INO80: variants seen among roughly 807,000 people sequenced by gnomAD.
INO80 encodes chromatin-remodeling ATPase INO80.
A neutral mutation model predicts 203.4 loss-of-function variants in INO80; 20 were observed. That is an observed-to-expected ratio of 0.10 (90% CI 0.07 to 0.14). The LOEUF (loss-of-function observed/expected upper bound fraction) is 0.14. Ranked by LOEUF, INO80 falls within the 10% of genes least tolerant of loss-of-function variation. The probability of loss-of-function intolerance (pLI) is 1.00; values close to 1 mark genes in which losing one functional copy is unlikely to be tolerated. For synonymous variants in INO80, 726 were observed against 685.2 expected (o/e 1.06, Z -0.93); for missense variants, 1,419 against 1,914.4 (o/e 0.74, Z 4.83).
In INO80 at chr15:41,074,412, T is replaced by C. The variant is rs771768508; in HGVS notation, c.1285A>G (p.Ile429Val). The C allele has an allele frequency of 9.3e-6, 15 of 1,613,988 alleles. No individual in the cohort carries two copies. Among genetic ancestry groups the C allele is most frequent in the South Asian group, 2.2e-5 (2 of 91,044 alleles). ...EDSSTQRQIDIGGGVVVNITQ... is the reference protein window; with the variant it reads ...EDSSTQRQIDVGGGVVVNITQ... ...ATGTTAACTACCACTCCTCCACCTA[T>C]ATCGATTTGTCTCTGGGTAGAACTG... The change falls in exon 10 of 36, where the codon ATA (isoleucine) becomes GTA (valine). Residue 429 changes from isoleucine (I) to valine (V), a missense_variant. Around this residue, in one of 9 missense-constraint regions of INO80, gnomAD observed 116 missense variants for 119.5 expected, o/e 0.97. Transcript: ENST00000648947.
At chr15:41,103,175 C>T (rs1011073038) in intron 1 of INO80, among the ~76,000 whole-genome samples, 3 of 152,208 alleles carry the variant, frequency 2.0e-5, no homozygotes, top group African/African-American at 7.2e-5. Context: ...TTCTACTTCT[C>T]TCCTGGCATG....
chr15:41,041,228 A>G (rs2044660845), intron 24 of INO80, among the ~76,000 whole-genome samples: 1 of 151,888 alleles, frequency 6.6e-6, no homozygotes, highest in Non-Finnish European at 1.5e-5. Context: ...AGCTGGAACT[A>G]CAGGTACACG....
At chr15:41,027,794 T>C (rs1441802072) in intron 24 of INO80, 58 bp from the exon 25 acceptor site, 1 of 1,394,564 alleles carries the variant, frequency 7.2e-7, no homozygotes, top group Non-Finnish European at 9.7e-7. Context: ...GTAAGCAAAA[T>C]GAAAAAAAAA....
At chr15:41,012,561 T>TAAA (rs71104767) in intron 27 of INO80, among the ~76,000 whole-genome samples, 48 of 90,848 alleles carry the variant, frequency 5.3e-4, no homozygotes, top group African/African-American at 1.2e-3. Context: ...AGACTCTTTT[T>TAAA]AAAAAAAAAA....
At chr15:41,008,421 G>T (rs6492975) in intron 27 of INO80, among the ~76,000 whole-genome samples, 5 of 151,994 alleles carry the variant, frequency 3.3e-5, no homozygotes, top group African/African-American at 9.7e-5. Flanking sequence ...TGGTTGCCAG[G>T]GGGTAGGGGA....
chr15:41,010,995 G>A (rs866565965), intron 27 of INO80, among the ~76,000 whole-genome samples: 7 of 152,180 alleles, frequency 4.6e-5, no homozygotes, highest in East Asian at 1.9e-4. Flanking sequence ...TATGACAGCC[G>A]TAATTCCCTT....
intron 24 of INO80, among the ~76,000 whole-genome samples, chr15:41,029,600 G>T (rs2044429901): frequency 1.3e-5 from 2 of 152,182 alleles, no homozygotes; most frequent in Non-Finnish European, 2.9e-5. Flanking sequence ...ACCCAAAGAA[G>T]AATTTTAACA....
chr15:40,984,006 T>C (rs1279304026), intron 33 of INO80, 85 bp from the exon 34 acceptor site: 11 of 1,504,428 alleles, frequency 7.3e-6, no homozygotes, highest in Middle Eastern at 2.3e-4. Context: ...TGCTTCACAG[T>C]TGAGGCTGCT....
chr15:41,048,498 C>G (rs1194686073), intron 21 of INO80, among the ~76,000 whole-genome samples: 1 of 152,192 alleles, frequency 6.6e-6, no homozygotes, highest in Non-Finnish European at 1.5e-5. Flanking sequence ...AAAGTAGTCT[C>G]ATTTTATTTC....
At chr15:41,049,516 T>G in intron 20 of INO80, 96 bp from the exon 21 acceptor site, 1 of 1,127,418 alleles carries the variant, frequency 8.9e-7, no homozygotes, top group South Asian at 1.4e-5. Flanking sequence ...CCTTTGGGAA[T>G]GGATACTTTC....
intron 22 of INO80, among the ~76,000 whole-genome samples, chr15:41,047,914 T>C (rs985135922): frequency 6.6e-6 from 1 of 152,188 alleles, no homozygotes; most frequent in Non-Finnish European, 1.5e-5. Flanking sequence ...GTCTCATTAA[T>C]GAGACAGTCC....
intron 16 of INO80, among the ~76,000 whole-genome samples, chr15:41,057,543 TCC>T (rs2045010318): frequency 6.6e-6 from 1 of 151,112 alleles, no homozygotes; most frequent in Non-Finnish European, 1.5e-5. Context: ...ACGCCTGTAA[TCC>T]CAGCACTTTG....
chr15:41,110,140 C>T (rs1312090351), intron 1 of INO80, among the ~76,000 whole-genome samples: 4 of 151,290 alleles, frequency 2.6e-5, no homozygotes, highest in Admixed American at 6.6e-5. Flanking sequence ...ATATATTTGG[C>T]TTTCTGGATT....
chr15:41,000,521 C>T (rs973217607), intron 28 of INO80, among the ~76,000 whole-genome samples: 1 of 151,608 alleles, frequency 6.6e-6, no homozygotes, highest in African/African-American at 2.4e-5. Context: ...CAGGGCGAAA[C>T]CTTGTCTCTA....
intron 9 of INO80, among the ~76,000 whole-genome samples, chr15:41,078,029 A>G (rs2045431441): frequency 6.6e-6 from 1 of 151,452 alleles, no homozygotes; most frequent in African/African-American, 2.4e-5. Flanking sequence ...CCTCCCAAGC[A>G]GCTGAGATTA....
intron 1 of INO80, among the ~76,000 whole-genome samples, chr15:41,105,344 A>C (rs985460702): frequency 8.5e-5 from 13 of 152,186 alleles, no homozygotes; most frequent in African/African-American, 3.1e-4. Flanking sequence ...ATTTTCTCAA[A>C]TACTTAGTAA....
Position 41,058,631 on chromosome 15 carries a change from CAT to C in INO80, c.1985+6_1985+7del. ...TGCATTGAGTTTGGTTTCTACTACT[CAT>C]GTTACCTGGAACTACTCTTGAGCGC... On this transcript the variant is annotated splice_donor_region_variant and intron_variant, in intron 16 of 35. Coordinates refer to ENST00000648947, the MANE Select transcript of INO80 (RefSeq NM_017553.3). 6.2e-7 allele frequency: 1 copy of C among 1,611,544 alleles called. No individual in the cohort carries two copies. The highest frequency in any genetic ancestry group is 8.5e-7 in the Non-Finnish European group (1 of 1,178,810).
chr15:41,046,151 GTGTGTGTGTCTGTGTGTGTGTGTGTC>G (rs1566926403), intron 23 of INO80, among the ~76,000 whole-genome samples: 2 of 122,816 alleles, frequency 1.6e-5, no homozygotes, highest in East Asian at 2.7e-4. Flanking sequence ...TTTAAGGGGT[GTGTGTGTGTCTGTGTGTGTGTGTGTC>G]TGTGTGTGTC....
intron 1 of INO80, among the ~76,000 whole-genome samples, chr15:41,099,590 G>A (rs546273582): frequency 2.6e-5 from 4 of 152,130 alleles, no homozygotes; most frequent in Admixed American, 1.3e-4. Flanking sequence ...AGACCAGCCT[G>A]AGTAACATGG....
Sources: allele counts gnomAD v4.1 joint callset (sites outside exome capture counted in the v4.1 genomes callset), GRCh38; gene constraint gnomAD v4.1.1; regional missense constraint gnomAD v4.1.1; transcripts MANE v1.5; gene names NCBI Gene and HGNC (gene_info 2026-07-23, HGNC 2026-07-21).